Variants in PTPRN2 observed in about 807,000 individuals in gnomAD.
The protein encoded by PTPRN2 is protein tyrosine phosphatase receptor type N2, also known as receptor-type tyrosine-protein phosphatase N2.
PTPRN2 carries 74 observed loss-of-function variants against 118.8 expected under a neutral mutation model. That is an observed-to-expected ratio of 0.62 (90% CI 0.52 to 0.76). PTPRN2 has a LOEUF of 0.76. PTPRN2 is among the 30% of genes least tolerant of loss of function. The probability of loss-of-function intolerance (pLI) is 0.00; values close to 1 mark genes in which losing one functional copy is unlikely to be tolerated. For missense variants in PTPRN2, 1,481 were observed against 1,394.4 expected (o/e 1.06, Z -0.99); for synonymous variants, 641 against 608.0 (o/e 1.05, Z -0.80).
intron 12 of PTPRN2, among the ~76,000 whole-genome samples, chr7:157,720,571 C>T (rs111318336): frequency 1.2e-4 from 19 of 152,354 alleles, no homozygotes; most frequent in South Asian, 1.2e-3. Context: ...CCGGCTGCAC[C>T]GATGCATGGG....
intron 11 of PTPRN2, among the ~76,000 whole-genome samples, chr7:157,976,089 G>A (rs1276558467): frequency 6.6e-6 from 1 of 152,254 alleles, no homozygotes; most frequent in Non-Finnish European, 1.5e-5. Flanking sequence ...CACAAGGTGA[G>A]CTGGAAGCAA....
chr7:158,437,888 C>T (rs1214231648), intron 2 of PTPRN2, among the ~76,000 whole-genome samples: 1 of 152,200 alleles, frequency 6.6e-6, no homozygotes, highest in Non-Finnish European at 1.5e-5. Context: ...GGCCTGGTAA[C>T]CTTTGCAATG....
Position 158,205,242 on chromosome 7 carries a change from A to G in PTPRN2, c.309T>C (p.Tyr103=). The G allele has an allele frequency of 2.5e-6, 4 of 1,614,132 alleles. No individual in the cohort carries two copies. Among genetic ancestry groups the G allele is most frequent in the Non-Finnish European group, 3.4e-6 (4 of 1,180,036 alleles). The change falls in exon 4 of 23, where the codon TAT becomes TAC. Residue 103 remains tyrosine, a synonymous_variant. Coordinates refer to ENST00000389418, the MANE Select transcript of PTPRN2 (RefSeq NM_002847.5). Reference sequence around the variant, plus strand: ...GGTCTGCAAGTTCCTGGTCCATCACATACTGAGTATAGTCATCCTGCCACG... The same window carrying G: ...GGTCTGCAAGTTCCTGGTCCATCACGTACTGAGTATAGTCATCCTGCCACG... The part of the protein sequence containing the change: ...GFTWQDDYTQ[Y]VMDQELADLP...
At chr7:158,424,784 C>A (rs964167521) in intron 2 of PTPRN2, among the ~76,000 whole-genome samples, 1 of 151,922 alleles carries the variant, frequency 6.6e-6, no homozygotes, top group East Asian at 1.9e-4. Flanking sequence ...TCAGCTTAAT[C>A]TCCCACGCCA....
At chr7:157,713,267 A>G (rs1340920558) in intron 12 of PTPRN2, among the ~76,000 whole-genome samples, 1 of 152,210 alleles carries the variant, frequency 6.6e-6, no homozygotes, top group African/African-American at 2.4e-5. Context: ...CAACCCAATG[A>G]CGCATCTTTA....
At chr7:157,919,335 G>A (rs1798578101) in intron 11 of PTPRN2, among the ~76,000 whole-genome samples, 2 of 152,064 alleles carry the variant, frequency 1.3e-5, no homozygotes, top group Non-Finnish European at 2.9e-5. Flanking sequence ...ATAATTCTTA[G>A]GTTAAGAAGG....
intron 11 of PTPRN2, among the ~76,000 whole-genome samples, chr7:157,909,548 C>T (rs769733608): frequency 1.3e-5 from 2 of 152,244 alleles, no homozygotes; most frequent in Non-Finnish European, 2.9e-5. Context: ...CTCCAACAGC[C>T]CCCTCGCCCC....
chr7:158,281,324 T>C (rs1799408546), intron 3 of PTPRN2, among the ~76,000 whole-genome samples: 1 of 152,156 alleles, frequency 6.6e-6, no homozygotes, highest in African/African-American at 2.4e-5. Context: ...ATACATTTTG[T>C]GTATGGTTTA....
chr7:157,747,289 C>T (rs1472593638), intron 12 of PTPRN2, among the ~76,000 whole-genome samples: 71 of 109,276 alleles, frequency 6.5e-4, no homozygotes, highest in Admixed American at 3.2e-3. Context: ...CTGAGGCCTG[C>T]GTCTCTGAGC....
At chr7:158,372,302 C>T (rs1254337174) in intron 2 of PTPRN2, among the ~76,000 whole-genome samples, 1 of 149,510 alleles carries the variant, frequency 6.7e-6, no homozygotes, top group Non-Finnish European at 1.5e-5. Context: ...GGAGCTGGTC[C>T]CCCCAACGCT....
intron 1 of PTPRN2, among the ~76,000 whole-genome samples, chr7:158,504,001 GA>G (rs569367586): frequency 1.2e-3 from 175 of 150,924 alleles, no homozygotes; most frequent in Non-Finnish European, 1.8e-3. Context: ...AAAAAAAATG[GA>G]AAAAAAATTA....
intron 3 of PTPRN2, among the ~76,000 whole-genome samples, chr7:158,225,102 A>G (rs1274817536): frequency 6.6e-6 from 1 of 151,810 alleles, no homozygotes; most frequent in Non-Finnish European, 1.5e-5. Context: ...GAAAAACTGT[A>G]TCACTGTTAC....
At chr7:157,661,967 G>C (rs1340013096) in intron 13 of PTPRN2, among the ~76,000 whole-genome samples, 1 of 152,212 alleles carries the variant, frequency 6.6e-6, no homozygotes, top group African/African-American at 2.4e-5. Context: ...CCAGGACCCA[G>C]AAAACAGGTA....
chr7:157,803,892 G>GA (rs1182140812), intron 12 of PTPRN2, among the ~76,000 whole-genome samples: 54 of 152,184 alleles, frequency 3.5e-4, no homozygotes, highest in Admixed American at 1.2e-3. Flanking sequence ...TTTCATGATG[G>GA]CAAAATATGT....
At chr7:158,579,598 A>G (rs918265896) in intron 1 of PTPRN2, among the ~76,000 whole-genome samples, 2 of 152,254 alleles carry the variant, frequency 1.3e-5, no homozygotes, top group African/African-American at 4.8e-5. Context: ...TGGAAAGATA[A>G]GGTGACCTCT....
intron 11 of PTPRN2, among the ~76,000 whole-genome samples, chr7:158,023,452 TA>T (rs936061791): frequency 7.9e-5 from 12 of 151,974 alleles, no homozygotes; most frequent in South Asian, 2.1e-4. Context: ...ATTAACACTC[TA>T]AAAAAAATTT....
At chr7:157,542,463 G>A (rs1220308932) in intron 22 of PTPRN2, among the ~76,000 whole-genome samples, 6 of 150,274 alleles carry the variant, frequency 4.0e-5, no homozygotes, top group African/African-American at 1.3e-4. Context: ...CTGCCGCCCC[G>A]CAGCCCCATC....
At chr7:157,790,846 C>G (rs1585476738) in intron 12 of PTPRN2, among the ~76,000 whole-genome samples, 1 of 152,160 alleles carries the variant, frequency 6.6e-6, no homozygotes, top group Non-Finnish European at 1.5e-5. Flanking sequence ...GGAGCATTTT[C>G]TCTGCTCGGG....
At chr7:158,341,774 C>T (rs1259731440) in intron 2 of PTPRN2, among the ~76,000 whole-genome samples, 8 of 141,450 alleles carry the variant, frequency 5.7e-5, no homozygotes, top group South Asian at 2.2e-4. Flanking sequence ...AGAGCTGACA[C>T]CTGCAGACGT....
Sources: gnomAD v4.1 joint callset for allele counts (sites outside exome capture counted in the v4.1 genomes callset) on GRCh38, gnomAD v4.1.1 for gene constraint, MANE v1.5 for transcripts, NCBI Gene and HGNC (gene_info 2026-07-23, HGNC 2026-07-21) for gene names.